The following LIMCH1 variants were observed in gnomAD, a reference collection of about 807,000 sequenced individuals.
LIMCH1 encodes LIM and calponin homology domains 1.
LIMCH1 carries 113 observed loss-of-function variants against 176.5 expected under a neutral mutation model. The ratio of observed to expected loss-of-function variants is 0.64; its 90% CI spans 0.55 to 0.75. The LOEUF is 0.75. Ranked by LOEUF, LIMCH1 falls within the 30% of genes least tolerant of loss-of-function variation. The pLI, the probability that LIMCH1 is intolerant of heterozygous loss-of-function variation, is 0.00. For missense variants in LIMCH1, 1,674 were observed against 1,814.9 expected (o/e 0.92, Z 1.41); for synonymous variants, 619 against 645.9 (o/e 0.96, Z 0.63).
At chr4:41,372,990 T>C (rs2054202064) in intron 1 of LIMCH1, among the ~76,000 whole-genome samples, 1 of 152,222 alleles carries the variant, frequency 6.6e-6, no homozygotes, top group South Asian at 2.1e-4. Context: ...TCATTCATCA[T>C]ATAGTTATTG....
At chr4:41,377,122 T>C (rs1244698745) in intron 1 of LIMCH1, among the ~76,000 whole-genome samples, 1 of 151,964 alleles carries the variant, frequency 6.6e-6, no homozygotes, top group Admixed American at 6.5e-5. Flanking sequence ...ATGGCAATGG[T>C]ATATTTTATT....
At chr4:41,573,374 T>C (rs1283771806) in intron 1 of LIMCH1, among the ~76,000 whole-genome samples, 3 of 152,216 alleles carry the variant, frequency 2.0e-5, no homozygotes, top group Admixed American at 6.5e-5. Flanking sequence ...AATAAAATCA[T>C]GCATAGCAGT....
In LIMCH1 at chr4:41,477,793, A is replaced by G. The variant is rs138308761; in HGVS notation, c.97-16743A>G. On this transcript the variant is annotated intron_variant, in intron 1 of 26. Transcript: ENST00000313860. ...CCCAGGTGCCACTGAGAGCCATTCA[A>G]ATAACAAACTCTTAGAAGATGATGG... 5.8e-3 allele frequency among the ~76,000 whole-genome samples: 880 copies of G among 152,342 alleles called. 4 individuals are homozygous for G. The highest frequency in any genetic ancestry group is 0.013 in the African/African-American group (559 of 41,580).
chr4:41,642,283 A>G (rs753927256), intron 14 of LIMCH1, among the ~76,000 whole-genome samples: 1 of 151,744 alleles, frequency 6.6e-6, no homozygotes, highest in Non-Finnish European at 1.5e-5. Flanking sequence ...TAAAAGATGA[A>G]CTGACTAGAT....
At position 41,606,382 on chromosome 4, in the gene LIMCH1, C is replaced by G. The variant is rs191421151; in HGVS notation, c.9+378C>G. ...TGAAGACTCGCTCTGCACTTTTGTGCTAAAGGGCATTTTGCTTACCCACTG... is the reference window on the plus strand; with the variant it reads ...TGAAGACTCGCTCTGCACTTTTGTGGTAAAGGGCATTTTGCTTACCCACTG... On this transcript the variant is annotated intron_variant, in intron 4 of 31. Coordinates refer to ENST00000503057, the MANE Select transcript of LIMCH1 (RefSeq NM_001330672.2). Among the ~76,000 whole-genome samples, 7 of 152,234 alleles carry G rather than the reference C, an allele frequency of 4.6e-5. No individual in the cohort carries two copies. In the East Asian group the frequency reaches 1.4e-3, roughly 29 times the overall value.
chr4:41,684,965 C>T (rs773104953), intron 27 of LIMCH1, among the ~76,000 whole-genome samples: 3 of 152,128 alleles, frequency 2.0e-5, no homozygotes, highest in Admixed American at 6.5e-5. Context: ...CTCCCACGCT[C>T]CTGGCTCACC....
At position 41,632,995 on chromosome 4, in the gene LIMCH1, C is replaced by G; in HGVS notation, c.1739C>G (p.Pro580Arg). Residue 580 changes from proline to arginine, a missense_variant, in exon 12 of 32, where the codon CCA becomes CGA. Pro to Arg is a moderately radical substitution (Grantham distance 103, BLOSUM62 -2). Coordinates refer to ENST00000503057, the MANE Select transcript of LIMCH1 (RefSeq NM_001330672.2). ...GCTTTAGTTACATCCAAACAGCTGC[C>G]ACAGGATGGCAAAGAAGAAACAGAA... ...GTEEVTSKQL[P>R]QDGKEETESA... 6.5e-7 allele frequency: 1 copy of G among 1,536,056 alleles called. No homozygotes were observed. Among genetic ancestry groups the G allele is most frequent in the Non-Finnish European group, 8.7e-7 (1 of 1,146,884 alleles).
At chr4:41,507,375 C>T (rs1051247564) in intron 2 of LIMCH1, among the ~76,000 whole-genome samples, 1 of 152,102 alleles carries the variant, frequency 6.6e-6, no homozygotes, top group Non-Finnish European at 1.5e-5. Flanking sequence ...AAGTTCCAAG[C>T]TTCTAATCGT....
At chr4:41,395,474 C>T (rs1214743369) in intron 1 of LIMCH1, among the ~76,000 whole-genome samples, 1 of 151,768 alleles carries the variant, frequency 6.6e-6, no homozygotes, top group Admixed American at 6.6e-5. Context: ...AACTCCCGAC[C>T]TCAAGTGATC....
chr4:41,657,281 AC>A, intron 18 of LIMCH1, among the ~76,000 whole-genome samples: 1 of 152,374 alleles, frequency 6.6e-6, no homozygotes, highest in South Asian at 2.1e-4. Context: ...AAAGAAAAAT[AC>A]AGGTCAGAAA....
At chr4:41,510,484 T>C (rs1207299488) in intron 2 of LIMCH1, among the ~76,000 whole-genome samples, 1 of 152,198 alleles carries the variant, frequency 6.6e-6, no homozygotes, top group Non-Finnish European at 1.5e-5. Flanking sequence ...TGGCTTCCCA[T>C]GATGAAGTGT....
At position 41,631,359 on chromosome 4, in the gene LIMCH1, G is replaced by A. The variant is rs1206284498; in HGVS notation, c.1483G>A (p.Asp495Asn). 6.5e-7 allele frequency: 1 copy of A among 1,536,106 alleles called. No homozygotes were observed. Among genetic ancestry groups the A allele is most frequent in the Non-Finnish European group, 8.7e-7 (1 of 1,146,948 alleles). The change falls in exon 10 of 32, where the codon GAT (aspartate) becomes AAT (asparagine). Residue 495 changes from aspartate to asparagine, a missense_variant. Coordinates refer to ENST00000503057, the MANE Select transcript of LIMCH1 (RefSeq NM_001330672.2). ...CATTGGCAAGGCTGGGCCTAGAGAG[G>A]ATGAAGAAGAAGTCATCTGTCATGG... ...LSIGKAGPRE[D>N]EEEVICHGSK...
upstream of LIMCH1, among the ~76,000 whole-genome samples, chr4:41,360,320 C>G (rs995595054): frequency 3.8e-4 from 58 of 152,136 alleles, no homozygotes; most frequent in African/African-American, 9.4e-4. This position sits in a 1 kb window ranked among gnomAD's most constrained non-coding sequence, Gnocchi z 4.5. Context: ...AGTGCCCGCG[C>G]GTCCTACTGC....
intron 1 of LIMCH1, among the ~76,000 whole-genome samples, chr4:41,398,395 C>T (rs955568218): frequency 6.6e-6 from 1 of 151,922 alleles, no homozygotes; most frequent in Admixed American, 6.6e-5. Context: ...CGTACTTTTC[C>T]GTCATCCAAC....
intron 1 of LIMCH1, among the ~76,000 whole-genome samples, chr4:41,411,146 TC>T (rs1170682168): frequency 6.6e-6 from 1 of 152,234 alleles, no homozygotes; most frequent in Non-Finnish European, 1.5e-5. Context: ...TACAAATGTT[TC>T]TAAAATGTAT....
At chr4:41,451,538 C>T (rs2063883001) in intron 1 of LIMCH1, among the ~76,000 whole-genome samples, 1 of 152,164 alleles carries the variant, frequency 6.6e-6, no homozygotes, top group Non-Finnish European at 1.5e-5. Context: ...TCTTTCCCAC[C>T]CCCGGGACCT....
intron 1 of LIMCH1, among the ~76,000 whole-genome samples, chr4:41,401,878 A>AT (rs2154117856): frequency 6.6e-6 from 1 of 152,240 alleles, no homozygotes; most frequent in South Asian, 2.1e-4. Flanking sequence ...TTGCACATTG[A>AT]TTTTGTATCC....
chr4:41,631,428 A>C lies in LIMCH1; in HGVS notation c.1552A>C (p.Thr518Pro). Residue 518 changes from threonine to proline, a missense_variant, in exon 10 of 32, where the codon ACT becomes CCT. This residue lies in a region of LIMCH1 where 655 missense variants were observed against 692.2 expected (regional missense o/e 0.95). Coordinates refer to ENST00000503057, the MANE Select transcript of LIMCH1 (RefSeq NM_001330672.2). ...MDSVSPVSAA[T>P]SSLKGHQIFN... ...CTCTGTGTCTCCTGTCTCAGCGGCC[A>C]CTTCCAGCTTAAAGGGCCACCAAAT... The C allele has an allele frequency of 6.5e-7, 1 of 1,529,470 alleles. No individual in the cohort carries two copies. Among genetic ancestry groups the C allele is most frequent in the Non-Finnish European group, 8.7e-7 (1 of 1,145,004 alleles). The allele number at this position is 1,529,470 out of a possible 1,614,324, so 94.7% of individuals were successfully genotyped here.
intron 7 of LIMCH1, 27 bp downstream of exon 7, chr4:41,620,717 G>A (rs773242773): frequency 3.2e-5 from 49 of 1,510,324 alleles, no homozygotes; most frequent in African/African-American, 6.9e-5. Context: ...GGGCTGGCCC[G>A]GCTGGCTTTC....
Sources: gnomAD v4.1 joint callset for allele counts (sites outside exome capture counted in the v4.1 genomes callset) on GRCh38, gnomAD v4.1.1 for gene constraint, gnomAD v4.1.1 regional missense constraint, Gnocchi (gnomAD v3.1) non-coding constraint, MANE v1.5 for transcripts, NCBI Gene and HGNC (gene_info 2026-07-23, HGNC 2026-07-21) for gene names.